Variants in PRKG2 observed in about 807,000 individuals in gnomAD.
PRKG2 encodes protein kinase cGMP-dependent 2.
PRKG2 carries 33 observed loss-of-function variants against 97.2 expected under a neutral mutation model. The observed-to-expected ratio is 0.34, with a 90% confidence interval of 0.26 to 0.45. The LOEUF (loss-of-function observed/expected upper bound fraction) is 0.45, where lower values mean the gene tolerates loss of function less well. Among genes scored for constraint, PRKG2 ranks in the 20% least tolerant of loss-of-function variants. The probability of loss-of-function intolerance (pLI) is 1.00; values close to 1 mark genes in which losing one functional copy is unlikely to be tolerated. For synonymous variants in PRKG2, 330 were observed against 321.8 expected (o/e 1.03, Z -0.27); for missense variants, 638 against 900.0 (o/e 0.71, Z 3.73).
intron 14 of PRKG2, among the ~76,000 whole-genome samples, chr4:81,121,239 T>C (rs1745039432): frequency 1.3e-5 from 2 of 152,164 alleles, no homozygotes; most frequent in Admixed American, 6.5e-5. Flanking sequence ...ATGGGAGATA[T>C]TGGTCTGTAG....
rs192443178 is a variant in PRKG2, at chr4:81,107,753, C to T, written c.1941-1818G>A. Among the ~76,000 whole-genome samples the T allele has an allele frequency of 1.0e-3, 159 of 152,104 alleles. 1 individual carries two copies. Among genetic ancestry groups the T allele is most frequent in the African/African-American group, 3.5e-3 (144 of 41,508 alleles). ...GTCTCAATTTCTTGACCTCGTGATC[C>T]GCCCGCCTCAGCCTCCCAAAGTGCT... On this transcript the variant is annotated intron_variant, in intron 15 of 18. Coordinates refer to ENST00000264399, the MANE Select transcript of PRKG2 (RefSeq NM_006259.3).
intron 14 of PRKG2, among the ~76,000 whole-genome samples, chr4:81,132,897 T>G (rs1746316802): frequency 6.6e-6 from 1 of 152,178 alleles, no homozygotes; most frequent in South Asian, 2.1e-4. Context: ...ATCTGATTAC[T>G]CCAATAAATG....
intron 14 of PRKG2, among the ~76,000 whole-genome samples, chr4:81,131,470 A>T (rs1424415017): frequency 6.6e-6 from 1 of 152,216 alleles, no homozygotes; most frequent in Non-Finnish European, 1.5e-5. Context: ...CATTTTAAAA[A>T]ATTGATTTGT....
chr4:81,197,099 T>A (rs577770389), intron 2 of PRKG2, among the ~76,000 whole-genome samples: 1 of 152,168 alleles, frequency 6.6e-6, no homozygotes, highest in Non-Finnish European at 1.5e-5. Context: ...CTGTGGAAAC[T>A]GAATGCTGCT....
At chr4:81,190,721 T>G (rs1454998626) in intron 2 of PRKG2, among the ~76,000 whole-genome samples, 1 of 151,670 alleles carries the variant, frequency 6.6e-6, no homozygotes, top group Non-Finnish European at 1.5e-5. Context: ...AATCCCCAAA[T>G]AACTGAAACA....
intron 2 of PRKG2, among the ~76,000 whole-genome samples, chr4:81,198,040 G>A (rs1186532160): frequency 1.3e-5 from 2 of 152,226 alleles, no homozygotes; most frequent in Non-Finnish European, 2.9e-5. Flanking sequence ...CCCACAAGGC[G>A]AGGGTAGGCT....
chr4:81,160,851 G>A (rs188415589), intron 6 of PRKG2, among the ~76,000 whole-genome samples: 8 of 152,064 alleles, frequency 5.3e-5, no homozygotes, highest in Non-Finnish European at 1.0e-4. Context: ...CCAAAAGAGC[G>A]ACTAAATATC....
intron 2 of PRKG2, among the ~76,000 whole-genome samples, chr4:81,202,144 C>A (rs987502261): frequency 2.6e-5 from 4 of 152,092 alleles, no homozygotes; most frequent in Admixed American, 2.6e-4. Flanking sequence ...CCTTTTAATG[C>A]TCTAACTTCT....
chr4:81,172,789 C>T (rs1750603427), intron 3 of PRKG2, among the ~76,000 whole-genome samples: 1 of 152,102 alleles, frequency 6.6e-6, no homozygotes, highest in African/African-American at 2.4e-5. Context: ...TCATCTCTGT[C>T]CATCCCTTCA....
chr4:81,134,375 C>T (rs1746460990), intron 14 of PRKG2, among the ~76,000 whole-genome samples: 1 of 152,054 alleles, frequency 6.6e-6, no homozygotes, highest in Non-Finnish European at 1.5e-5. Context: ...AAGTGAGAAA[C>T]TTTTAATATC....
chr4:81,185,526 C>T (rs997804251), intron 2 of PRKG2, among the ~76,000 whole-genome samples: 1 of 152,098 alleles, frequency 6.6e-6, no homozygotes, highest in African/African-American at 2.4e-5. Context: ...CAAAAACATA[C>T]CAAATTGTAA....
At chr4:81,205,421 A>T (rs922423961) in intron 1 of PRKG2, among the ~76,000 whole-genome samples, 1 of 152,200 alleles carries the variant, frequency 6.6e-6, no homozygotes, top group Admixed American at 6.5e-5. Flanking sequence ...TCAGCATGGC[A>T]AAGATAAAAT....
rs1360098549 is a variant in PRKG2, at chr4:81,135,280, G to C, written c.1651C>G (p.Pro551Ala). 6.2e-7 allele frequency: 1 copy of C among 1,612,196 alleles called. No homozygotes were observed. Among genetic ancestry groups the C allele is most frequent in the Non-Finnish European group, 8.5e-7 (1 of 1,179,054 alleles). ...ILRDRGSFDE[P>A]TSKFCVACVT... is the part of the protein sequence containing the mutation. ...CAAGCAACGCAGAATTTGGAGGTGGGTTCATCAAAGCTGCCTCTGCAACGA... is the reference window on the plus strand; with the variant it reads ...CAAGCAACGCAGAATTTGGAGGTGGCTTCATCAAAGCTGCCTCTGCAACGA... The change falls in exon 14 of 19, where the codon CCC (proline) becomes GCC (alanine). Residue 551 changes from proline (P) to alanine (A), a missense_variant. Coordinates refer to ENST00000264399, the MANE Select transcript of PRKG2 (RefSeq NM_006259.3).
intron 7 of PRKG2, 103 bp downstream of exon 7, chr4:81,153,541 T>C (rs1748627525): frequency 6.8e-6 from 6 of 877,744 alleles, no homozygotes; most frequent in Non-Finnish European, 1.0e-5. Flanking sequence ...CCTTTATCTG[T>C]CCAAAGTGGA....
intron 14 of PRKG2, among the ~76,000 whole-genome samples, chr4:81,128,700 C>T (rs760882554): frequency 2.0e-5 from 3 of 151,952 alleles, no homozygotes; most frequent in Admixed American, 6.6e-5. Context: ...TTTACTGTGT[C>T]TATTGGATTC....
intron 1 of PRKG2, among the ~76,000 whole-genome samples, chr4:81,210,725 A>G (rs896963961): frequency 6.6e-6 from 1 of 152,178 alleles, no homozygotes; most frequent in Non-Finnish European, 1.5e-5. Context: ...GATATGAGAC[A>G]TATGTTTTCA....
chr4:81,117,285 C>T (rs1419558566), intron 14 of PRKG2, among the ~76,000 whole-genome samples: 1 of 152,006 alleles, frequency 6.6e-6, no homozygotes, highest in Admixed American at 6.6e-5. Context: ...CTGTGCCTGG[C>T]CTCTTGTTAC....
chr4:81,108,624 AT>A (rs1488577867), intron 15 of PRKG2, among the ~76,000 whole-genome samples: 6 of 152,078 alleles, frequency 3.9e-5, no homozygotes, highest in African/African-American at 1.2e-4. Context: ...GCCTAGTGTG[AT>A]GGCTCACACT....
intron 14 of PRKG2, among the ~76,000 whole-genome samples, chr4:81,131,200 C>T (rs749342411): frequency 2.0e-4 from 30 of 149,304 alleles, no homozygotes; most frequent in Admixed American, 4.6e-4. Context: ...CACCATTCCT[C>T]ACAGCACAGT....
Sources: gnomAD v4.1 joint callset for allele counts (sites outside exome capture counted in the v4.1 genomes callset) on GRCh38, gnomAD v4.1.1 for gene constraint, MANE v1.5 for transcripts, NCBI Gene and HGNC (gene_info 2026-07-23, HGNC 2026-07-21) for gene names.